Variants in PRAF2 observed in about 807,000 individuals in gnomAD.
The protein encoded by PRAF2 is PRA1 family protein 2.
A neutral mutation model predicts 9.7 loss-of-function variants in PRAF2; 5 were observed. The observed-to-expected ratio is 0.51, with a 90% CI of 0.27 to 1.08. PRAF2 has a LOEUF of 1.08. Among genes scored for constraint, PRAF2 ranks in the 50% least tolerant of loss-of-function variants. The pLI is 0.12. For synonymous variants in PRAF2, 61 were observed against 76.6 expected, an observed-to-expected ratio of 0.80 and a Z score of 1.06; for missense variants, 135 against 160.7, an observed-to-expected ratio of 0.84 and a Z score of 0.86.
intron 1 of PRAF2, among the ~76,000 whole-genome samples, chrX:49,073,442 C>G (rs782817014): frequency 9.0e-6 from 1 of 110,767 alleles, no homozygotes; most frequent in African/African-American, 3.3e-5. Context: ...TCACACCCCC[C>G]CTACGCCCCT....
Position 49,073,880 on chromosome X carries a change from G to A in PRAF2, c.108C>T (p.Arg36=), listed in dbSNP as rs150312371. The A allele has an allele frequency of 1.2e-4, 145 of 1,211,264 alleles. No individual in the cohort carries two copies. Among genetic ancestry groups the A allele is most frequent in the Non-Finnish European group, 1.4e-4 (129 of 895,435 alleles). ...DPCDPQRWCH[R]VINNLLYYQT... The stretch of plus-strand genomic sequence containing the variant: ...GGTAGTAGAGGAGGTTGTTGATGAC[G>A]CGGTGGCACCATCGCTGCGGGTCGC... The change falls in exon 1 of 3, where the codon CGC becomes CGT. Residue 36 remains arginine, a synonymous_variant. Transcript: ENST00000553851.
In PRAF2 at chrX:49,071,951, T is replaced by C. The variant is rs1216527733; in HGVS notation, c.455A>G (p.Lys152Arg). The C allele has an allele frequency of 1.6e-5, 19 of 1,208,908 alleles. No individual in the cohort carries two copies. The highest frequency in any genetic ancestry group is 2.1e-5 in the Non-Finnish European group (19 of 894,665). Residue 152 changes from lysine (K) to arginine (R), a missense_variant, in exon 3 of 3, where the codon AAG becomes AGG. Physicochemically the swap from Lys to Arg is conservative, Grantham distance 26. Coordinates refer to ENST00000553851, the MANE Select transcript of PRAF2 (RefSeq NM_007213.3). ...LRNLKNKIEN[K>R]IESIGLKRTP... Reference sequence around the variant, plus strand: ...CCGCTTGAGACCAATGCTCTCGATCTTGTTCTCAATCTTGTTCTTAAGGTT... The same window carrying C: ...CCGCTTGAGACCAATGCTCTCGATCCTGTTCTCAATCTTGTTCTTAAGGTT...
At chrX:49,072,193 C>T (rs2065013506) in intron 2 of PRAF2, 185 bp from the exon 3 acceptor site, 6 of 640,080 alleles carry the variant, frequency 9.4e-6, no homozygotes, top group East Asian at 7.1e-5. Context: ...GGAAGACGCC[C>T]GGTAACGGGG....
intron 1 of PRAF2, 71 bp downstream of exon 1, chrX:49,073,738 C>T (rs2065019778): frequency 8.7e-6 from 10 of 1,150,569 alleles, no homozygotes; most frequent in East Asian, 3.0e-5. Flanking sequence ...CCGTCCTGGT[C>T]CTCAAAGACC....
At position 49,071,834 on chromosome X, in the gene PRAF2, G is replaced by A. The variant is rs782554032; in HGVS notation, c.*35C>T. ...CCAATTATGGGCTGGGGGTGGGGTG[G>A]TATTCTCCAGGTCCTGGGTACAGAT... On this transcript the variant is annotated 3_prime_UTR_variant, in exon 3 of 3. Coordinates refer to ENST00000553851, the MANE Select transcript of PRAF2 (RefSeq NM_007213.3). 5 of 1,176,024 alleles carry A rather than the reference G, an allele frequency of 4.3e-6. No homozygotes were observed. Among genetic ancestry groups the A allele is most frequent in the Non-Finnish European group, 4.6e-6 (4 of 878,636 alleles).
In PRAF2 at chrX:49,073,946, G is replaced by C. The variant is rs782577973; in HGVS notation, c.42C>G (p.Asp14Glu). The change falls in exon 1 of 3, where the codon GAC becomes GAG. Residue 14 changes from aspartate (D) to glutamate (E), a missense_variant. By Grantham distance (45) the Asp-to-Glu change is conservative. Coordinates refer to ENST00000553851, the MANE Select transcript of PRAF2 (RefSeq NM_007213.3). ...VRLPPLRALD[D>E]FVLGSARLAA... ...CCAGACGCGCCGACCCCAGAACAAA[G>C]TCGTCCAGGGCGCGTAGCGGTGGCA... The C allele has an allele frequency of 8.3e-7, 1 of 1,208,610 alleles. No homozygotes were observed. Among genetic ancestry groups the C allele is most frequent in the South Asian group, 1.8e-5 (1 of 56,676 alleles).
At position 49,073,982 on chromosome X, in the gene PRAF2, C is replaced by A; in HGVS notation, c.6G>T (p.Ser2=). 1 of 1,199,184 alleles carries A rather than the reference C, an allele frequency of 8.3e-7. No homozygotes were observed. The highest frequency in any genetic ancestry group is 1.1e-6 in the Non-Finnish European group (1 of 889,979). The change falls in exon 1 of 3, where the codon TCG becomes TCT. Residue 2 remains serine (S), a synonymous_variant. Coordinates refer to ENST00000553851, the MANE Select transcript of PRAF2 (RefSeq NM_007213.3). M[S]EVRLPPLRAL... ...CGCGTAGCGGTGGCAGCCGCACCTCCGACATCCTGCCGGTTAATGTGGCTG... is the reference window on the plus strand; with the variant it reads ...CGCGTAGCGGTGGCAGCCGCACCTCAGACATCCTGCCGGTTAATGTGGCTG...
rs1011394293 is a variant in PRAF2 at position 49,073,670 on chromosome X, C to T, written c.179+139G>A. ...TTCAAGGCCCCCCTTCCAAGCCCCT[C>T]AGGCCGTCCATCTCTACTGACTTCG... On this transcript the variant is annotated intron_variant, in intron 1 of 2. Transcript: ENST00000553851. 2.8e-5 allele frequency: 22 copies of T among 793,455 alleles called. No homozygotes were observed. In the African/African-American group the frequency reaches 4.3e-4, roughly 15 times the overall value. 65.4% of individuals were successfully genotyped at this position (793,455 alleles called of 1,213,427 possible).
chrX:49,072,209 G>T, intron 2 of PRAF2: 1 of 600,208 alleles, frequency 1.7e-6, no homozygotes, highest in Non-Finnish European at 2.5e-6. Flanking sequence ...CGGGGACGTG[G>T]CCAGTGGAAG....
At chrX:49,072,893 C>G (rs1394852761) in intron 1 of PRAF2, among the ~76,000 whole-genome samples, 2 of 110,989 alleles carry the variant, frequency 1.8e-5, no homozygotes, top group African/African-American at 6.6e-5. Flanking sequence ...GCTTCAGGCC[C>G]TCCCATCCTG....
At position 49,072,452 on chromosome X, in the gene PRAF2, G is replaced by T; in HGVS notation, c.378C>A (p.Ser126Arg). The change falls in exon 2 of 3, where the codon AGC becomes AGA. Residue 126 changes from serine to arginine, a missense_variant. Ser to Arg is a moderately radical substitution (Grantham distance 110, BLOSUM62 -1). Coordinates refer to ENST00000553851, the MANE Select transcript of PRAF2 (RefSeq NM_007213.3). ...VAGGACTFLF[S>R]IAGPVLLILV... ...ACTCACGAAGCACCGGCCCGGCGATGCTGAACAGGAAGGTGCAAGCGCCGC... is the reference window on the plus strand; with the variant it reads ...ACTCACGAAGCACCGGCCCGGCGATTCTGAACAGGAAGGTGCAAGCGCCGC... 1 of 1,195,332 alleles carries T rather than the reference G, an allele frequency of 8.4e-7. No individual in the cohort carries two copies. Among genetic ancestry groups the T allele is most frequent in the Admixed American group, 2.3e-5 (1 of 43,155 alleles).
chrX:49,072,137 T>A (rs2065013323), intron 2 of PRAF2, 129 bp from the exon 3 acceptor site: 8 of 876,166 alleles, frequency 9.1e-6, no homozygotes, highest in Non-Finnish European at 6.3e-6. Flanking sequence ...CCTCAGATAC[T>A]GAAAGCGTGG....
intron 1 of PRAF2, among the ~76,000 whole-genome samples, chrX:49,073,578 C>G (rs1557083488): frequency 9.1e-6 from 1 of 110,135 alleles, no homozygotes; most frequent in Non-Finnish European, 1.9e-5. Flanking sequence ...CCCCATCCCC[C>G]GCAGGCCCTC....
Position 49,071,683 on chromosome X carries a change from G to T in PRAF2, c.*186C>A, listed in dbSNP as rs1371278339. The T allele has an allele frequency of 1.9e-5, 8 of 428,873 alleles. No individual in the cohort carries two copies. Among genetic ancestry groups the T allele is most frequent in the Non-Finnish European group, 2.6e-5 (7 of 264,415 alleles). The allele number at this position is 428,873 out of a possible 1,213,427, so 35.3% of individuals were successfully genotyped here. On this transcript the variant is annotated 3_prime_UTR_variant, in exon 3 of 3. Transcript: ENST00000553851. ...GAAGACTCTTGTCCCTAGGTAATGG[G>T]GGCTGGGTGTGAGGGATATCTTAGT...
In PRAF2 at chrX:49,072,433, G is replaced by T; in HGVS notation, c.397C>A (p.Leu133Met). Residue 133 changes from leucine to methionine, a missense_variant and splice_region_variant, in exon 2 of 3, where the codon CTG becomes ATG. By Grantham distance (15) the Leu-to-Met change is conservative (BLOSUM62 2). Transcript: ENST00000553851. ...FLFSIAGPVL[L>M]ILVHASLRLR... Reference sequence around the variant, plus strand: ...CTATCTCGGGGTAGTGGAGACTCACGAAGCACCGGCCCGGCGATGCTGAAC... The same window carrying T: ...CTATCTCGGGGTAGTGGAGACTCACTAAGCACCGGCCCGGCGATGCTGAAC... 8.4e-7 allele frequency: 1 copy of T among 1,190,406 alleles called. No homozygotes were observed. Among genetic ancestry groups the T allele is most frequent in the African/African-American group, 1.7e-5 (1 of 57,534 alleles).
Position 49,072,465 on chromosome X carries a change from G to A in PRAF2, c.365C>T (p.Thr122Ile). 2 of 1,195,368 alleles carry A rather than the reference G, an allele frequency of 1.7e-6. No homozygotes were observed. The highest frequency in any genetic ancestry group is 2.3e-6 in the Non-Finnish European group (2 of 887,825). The change falls in exon 2 of 3, where the codon ACC becomes ATC. Residue 122 changes from threonine (T) to isoleucine (I), a missense_variant. Transcript: ENST00000553851. ...CGGCCCGGCGATGCTGAACAGGAAG[G>A]TGCAAGCGCCGCCCGCGACCCAGAG... is the stretch of plus-strand genomic sequence containing the variant. ...LVLWVAGGAC[T>I]FLFSIAGPVL...
Position 49,073,826 on chromosome X carries a change from G to A in PRAF2, c.162C>T (p.Ile54=), listed in dbSNP as rs782764657. Residue 54 remains isoleucine (I), a synonymous_variant, in exon 1 of 3, where the codon ATC becomes ATT. Coordinates refer to ENST00000553851, the MANE Select transcript of PRAF2 (RefSeq NM_007213.3). ...YQTNYLLCFG[I]GLALAGYVRP... ...TCCCTCACCCGGCGAGAGCGAGGCC[G>A]ATGCCGAAGCAGAGAAGGTAGTTGG... 2.1e-5 allele frequency: 25 copies of A among 1,210,949 alleles called. No individual in the cohort carries two copies. The East Asian group carries it at 6.8e-4, about 33-fold the overall frequency.
In PRAF2 at chrX:49,072,480, G is replaced by A; in HGVS notation, c.350C>T (p.Ala117Val). The A allele has an allele frequency of 2.5e-6, 3 of 1,194,611 alleles. No individual in the cohort carries two copies. Among genetic ancestry groups the A allele is most frequent in the Non-Finnish European group, 3.4e-6 (3 of 887,478 alleles). The change falls in exon 2 of 3, where the codon GCG becomes GTG. Residue 117 changes from alanine (A) to valine (V), a missense_variant. Ala to Val is a moderately conservative substitution (Grantham distance 64). Coordinates refer to ENST00000553851, the MANE Select transcript of PRAF2 (RefSeq NM_007213.3). ...LAVGLLVLWVAGGACTFLFSI... is the reference protein window; with the variant it reads ...LAVGLLVLWVVGGACTFLFSI... ...GAACAGGAAGGTGCAAGCGCCGCCC[G>A]CGACCCAGAGCACCAGGAGGCCGAC... is the stretch of plus-strand genomic sequence containing the variant.
chrX:49,073,894 G>A lies in PRAF2; in HGVS notation c.94C>T (p.Arg32Ter). 8.3e-7 allele frequency: 1 copy of A among 1,212,108 alleles called. No individual in the cohort carries two copies. Among genetic ancestry groups the A allele is most frequent in the Non-Finnish European group, 1.1e-6 (1 of 895,491 alleles). The change falls in exon 1 of 3, where the codon CGA (arginine) becomes TGA (stop). Residue 32 changes from arginine to a stop codon, truncating the protein, a stop_gained. Transcript: ENST00000553851. LOFTEE classifies it high-confidence loss of function. Reference protein sequence around the residue: ...LAAPDPCDPQRWCHRVINNLL... With the variant: ...LAAPDPCDPQ ...TTGTTGATGACGCGGTGGCACCATC[G>A]CTGCGGGTCGCATGGATCCGGAGCC...
Sources: gnomAD v4.1 joint callset for allele counts (sites outside exome capture counted in the v4.1 genomes callset) on GRCh38, gnomAD v4.1.1 for gene constraint, MANE v1.5 for transcripts, NCBI Gene and HGNC (gene_info 2026-07-23, HGNC 2026-07-21) for gene names.